The following ZNF236 variants were observed in gnomAD, a reference collection of about 807,000 sequenced individuals.
The protein encoded by ZNF236 is zinc finger protein 236.
In ZNF236, 50 loss-of-function variants were observed where a neutral mutation model predicts 191.2. That is an observed-to-expected ratio of 0.26 (90% confidence interval 0.21 to 0.33). The LOEUF (loss-of-function observed/expected upper bound fraction) is 0.33, where lower values mean the gene tolerates loss of function less well. ZNF236 is among the 10% of genes least tolerant of loss of function. The pLI, the probability that ZNF236 is intolerant of heterozygous loss-of-function variation, is 1.00. For missense variants in ZNF236, 1,754 were observed against 2,374.5 expected (o/e 0.74, Z 5.43); for synonymous variants, 907 against 928.8 (o/e 0.98, Z 0.43).
rs759995724 is a variant in ZNF236, at chr18:76,947,644, G to T, written c.4906G>T (p.Ala1636Ser). Reference protein sequence around the residue: ...QSASAACEEIAYQVAGVSGNL... With the variant: ...QSASAACEEISYQVAGVSGNL... ...AGCGTCTGCTGCTTGTGAAGAAATA[G>T]CCTACCAGGTACAGGATATTCCTTC... is the stretch of plus-strand genomic sequence containing the variant. Residue 1636 changes from alanine (A) to serine (S), a missense_variant, in exon 27 of 31, where the codon GCC becomes TCC. Physicochemically the swap from Ala to Ser is moderately conservative, Grantham distance 99. Around this residue, in one of 5 missense-constraint regions of ZNF236, gnomAD observed 606 missense variants for 761.5 expected, o/e 0.80. Transcript: ENST00000320610. 6 of 1,613,438 alleles carry T rather than the reference G, an allele frequency of 3.7e-6. No individual in the cohort carries two copies. The Admixed American group carries it at 6.7e-5, about 18-fold the overall frequency.
At chr18:76,886,077 C>G (rs1977045001) in intron 9 of ZNF236, 1 of 152,200 alleles carries the variant, frequency 6.6e-6, no homozygotes, top group Non-Finnish European at 1.5e-5. Context: ...TCAATTAATG[C>G]TTGCTTCCTT....
At chr18:76,859,802 G>A (rs1282663423) in intron 3 of ZNF236, among the ~76,000 whole-genome samples, 1 of 152,164 alleles carries the variant, frequency 6.6e-6, no homozygotes, top group Non-Finnish European at 1.5e-5. Context: ...GGCTGGGGCT[G>A]AGGCCTTAGA....
chr18:76,961,728 A>AT (rs57057667), intron 30 of ZNF236, among the ~76,000 whole-genome samples: 1 of 150,822 alleles, frequency 6.6e-6, no homozygotes, highest in African/African-American at 2.4e-5. Context: ...AGCATGTACT[A>AT]TTTTTTTTTT....
chr18:76,827,405 C>G (rs1975049537), intron 1 of ZNF236, among the ~76,000 whole-genome samples: 1 of 152,152 alleles, frequency 6.6e-6, no homozygotes, highest in Non-Finnish European at 1.5e-5. Context: ...CTAGGATGGT[C>G]TCGAACTCCT....
intron 4 of ZNF236, among the ~76,000 whole-genome samples, chr18:76,869,683 C>T (rs1429869802): frequency 6.6e-6 from 1 of 152,180 alleles, no homozygotes; most frequent in Non-Finnish European, 1.5e-5. Flanking sequence ...GGGCCAGGCA[C>T]AGTAGTTCAC....
chr18:76,834,502 T>C (rs544555224), intron 1 of ZNF236: 4 of 452,902 alleles, frequency 8.8e-6, no homozygotes, highest in Admixed American at 7.3e-5. Flanking sequence ...AGATTTGGCT[T>C]TCCGTTCAAG....
At chr18:76,917,205 A>C (rs941899155) in intron 19 of ZNF236, among the ~76,000 whole-genome samples, 4 of 152,210 alleles carry the variant, frequency 2.6e-5, no homozygotes, top group Non-Finnish European at 4.4e-5. Flanking sequence ...TTCCATTTTT[A>C]AAATTCTGTC....
chr18:76,936,163 G>A lies in ZNF236; in HGVS notation c.4595-993G>A, dbSNP rs1340396075. ...GTGCTGACAGGCGCGTGTTTCTTTT[G>A]TTTTGAAACCTGGTTAGGCAATAGC... On this transcript the variant is annotated intron_variant, in intron 25 of 30. Transcript: ENST00000320610. 5 of 450,192 alleles carry A rather than the reference G, an allele frequency of 1.1e-5. No homozygotes were observed. In the Admixed American group the frequency reaches 1.2e-4, roughly 11 times the overall value. 27.9% of individuals were successfully genotyped at this position (450,192 alleles called of 1,614,324 possible).
chr18:76,927,831 T>C lies in ZNF236; in HGVS notation c.4415-96T>C. On this transcript the variant is annotated intron_variant, in intron 24 of 30. Transcript: ENST00000320610. This position sits in a 1 kb window ranked among gnomAD's most constrained non-coding sequence, Gnocchi z 5.4. ...TTTAAATCTTTGTCTTATTGAAATA[T>C]GTAATAACAGTTTAATTAAAATATT... 1.1e-6 allele frequency: 1 copy of C among 949,166 alleles called. No individual in the cohort carries two copies. The highest frequency in any genetic ancestry group is 1.5e-6 in the Non-Finnish European group (1 of 662,950). The allele number at this position is 949,166 out of a possible 1,614,324, so 58.8% of individuals were successfully genotyped here.
At chr18:76,926,687 G>C (rs1342316621) in intron 22 of ZNF236, among the ~76,000 whole-genome samples, 15 of 109,480 alleles carry the variant, frequency 1.4e-4, no homozygotes, top group Admixed American at 2.8e-4. Flanking sequence ...ATGGTATAAA[G>C]AGTGATTAGA....
intron 9 of ZNF236, chr18:76,888,557 C>G (rs1056026468): frequency 1.3e-5 from 2 of 152,286 alleles, no homozygotes; most frequent in African/African-American, 4.8e-5. Context: ...ATTTGATGTT[C>G]TGGTCCTTGA....
intron 9 of ZNF236, chr18:76,884,879 G>A (rs1186768310): frequency 6.6e-6 from 1 of 152,176 alleles, no homozygotes; most frequent in East Asian, 1.9e-4. Context: ...CTAAGTGCAG[G>A]TAGCCTTTCT....
Position 76,910,062 on chromosome 18 carries a change from C to T in ZNF236, c.2552-6C>T, listed in dbSNP as rs1296529435. On this transcript the variant is annotated splice_region_variant and splice_polypyrimidine_tract_variant and intron_variant, in intron 14 of 30. Coordinates refer to ENST00000320610, the MANE Select transcript of ZNF236 (RefSeq NM_001306089.2). ...TGCGTCCCCCTTTTTTACATCTCAT[C>T]CTCAGATGGGTTTGTGGCTCCACAG... 10 of 1,605,658 alleles carry T rather than the reference C, an allele frequency of 6.2e-6. No homozygotes were observed. The highest frequency in any genetic ancestry group is 8.5e-6 in the Non-Finnish European group (10 of 1,173,414).
At chr18:76,823,389 G>T (rs965182518) in intron 1 of ZNF236, among the ~76,000 whole-genome samples, 7 of 151,374 alleles carry the variant, frequency 4.6e-5, no homozygotes, top group African/African-American at 1.7e-4. Context: ...TGATCCGGGG[G>T]GCTGGAACCC....
intron 12 of ZNF236, 52 bp downstream of exon 12, chr18:76,904,573 T>A: frequency 6.6e-7 from 1 of 1,506,144 alleles, no homozygotes; most frequent in Non-Finnish European, 8.9e-7. Flanking sequence ...ACTGACTTAG[T>A]GACCTGATGA....
chr18:76,918,150 C>G (rs1967424268), intron 19 of ZNF236, among the ~76,000 whole-genome samples: 1 of 152,126 alleles, frequency 6.6e-6, no homozygotes, highest in Non-Finnish European at 1.5e-5. Context: ...CCTCCCTGCT[C>G]CCAGCCAAAC....
At chr18:76,851,263 C>CTTT (rs775928958) in intron 2 of ZNF236, among the ~76,000 whole-genome samples, 9 of 117,682 alleles carry the variant, frequency 7.6e-5, no homozygotes, top group South Asian at 2.7e-4. Context: ...AGAAAGAAAC[C>CTTT]TTTTTTTTTT....
chr18:76,918,981 A>G (rs1471300945), intron 19 of ZNF236, among the ~76,000 whole-genome samples: 1 of 152,184 alleles, frequency 6.6e-6, no homozygotes, highest in Non-Finnish European at 1.5e-5. Context: ...AACCACATAT[A>G]TTTTTAAAGT....
intron 14 of ZNF236, among the ~76,000 whole-genome samples, chr18:76,908,963 C>G (rs1788707): frequency 5.4e-5 from 8 of 147,122 alleles, no homozygotes; most frequent in African/African-American, 1.3e-4. Context: ...ATGTGTGTGT[C>G]TGTGTGTGTG....
Sources: allele counts gnomAD v4.1 joint callset (sites outside exome capture counted in the v4.1 genomes callset), GRCh38; gene constraint gnomAD v4.1.1; regional missense constraint gnomAD v4.1.1; non-coding constraint Gnocchi (gnomAD v3.1); transcripts MANE v1.5; gene names NCBI Gene and HGNC (gene_info 2026-07-23, HGNC 2026-07-21).